The following ANGPT1 variants were observed in gnomAD, a reference collection of about 807,000 sequenced individuals.
The protein encoded by ANGPT1 is angiopoietin 1, also known as angiopoietin-1.
Under a neutral mutation model 62.2 loss-of-function variants are expected in ANGPT1, and 17 were observed. That is an observed-to-expected ratio of 0.27 (90% CI 0.19 to 0.41). The LOEUF is 0.41. ANGPT1 is among the 10% of genes least tolerant of loss of function. The pLI is 1.00. For missense variants in ANGPT1, 478 were observed against 594.9 expected, an observed-to-expected ratio of 0.80 and a Z score of 2.04; for synonymous variants, 199 against 198.9, an observed-to-expected ratio of 1.00 and a Z score of 0.00.
chr8:107,396,986 G>A (rs1816949991), intron 1 of ANGPT1, among the ~76,000 whole-genome samples: 1 of 152,076 alleles, frequency 6.6e-6, no homozygotes, highest in Non-Finnish European at 1.5e-5. Context: ...AACAAATGTT[G>A]AGAGCAGAAA....
At chr8:107,358,386 T>C (rs1448525993) in intron 1 of ANGPT1, among the ~76,000 whole-genome samples, 1 of 151,238 alleles carries the variant, frequency 6.6e-6, no homozygotes, top group Non-Finnish European at 1.5e-5. Context: ...ATTTTTTTTT[T>C]TCTCCCTTTG....
chr8:107,295,886 A>G (rs1814402259), intron 5 of ANGPT1, among the ~76,000 whole-genome samples: 1 of 152,100 alleles, frequency 6.6e-6, no homozygotes, highest in African/African-American at 2.4e-5. Flanking sequence ...CCTTACATGC[A>G]TTTTCTAATT....
At chr8:107,340,127 G>A (rs1009212629) in intron 2 of ANGPT1, among the ~76,000 whole-genome samples, 3 of 152,122 alleles carry the variant, frequency 2.0e-5, no homozygotes, top group Admixed American at 6.5e-5. Flanking sequence ...TATGGAATTC[G>A]CTGCTTAGCA....
At position 107,420,431 on chromosome 8, in the gene ANGPT1, G is replaced by T. The variant is rs145032275; in HGVS notation, c.298-73334C>A. 2.4e-3 allele frequency among the ~76,000 whole-genome samples: 366 copies of T among 152,254 alleles called. 1 individual carries two copies. Among genetic ancestry groups the T allele is most frequent in the Admixed American group, 4.2e-3 (64 of 15,286 alleles). ...ATTGCTGTTTGCTTTATTCCTGAAAGAAATCAGTAGAATTTAATACTATGA... is the reference window on the plus strand; with the variant it reads ...ATTGCTGTTTGCTTTATTCCTGAAATAAATCAGTAGAATTTAATACTATGA... On this transcript the variant is annotated intron_variant, in intron 1 of 8. Transcript: ENST00000517746.
chr8:107,309,637 T>A (rs1814801746), intron 4 of ANGPT1, among the ~76,000 whole-genome samples: 1 of 152,200 alleles, frequency 6.6e-6, no homozygotes, highest in African/African-American at 2.4e-5. Flanking sequence ...TATTTACCAA[T>A]GACTTTATAA....
chr8:107,380,551 A>G (rs1191327083), intron 1 of ANGPT1, among the ~76,000 whole-genome samples: 1 of 151,914 alleles, frequency 6.6e-6, no homozygotes, highest in Non-Finnish European at 1.5e-5. Flanking sequence ...TCTTAAAGCA[A>G]TTGGTTAGTT....
chr8:107,483,825 C>T (rs940752183), intron 1 of ANGPT1, among the ~76,000 whole-genome samples: 1 of 152,116 alleles, frequency 6.6e-6, no homozygotes, highest in Non-Finnish European at 1.5e-5. Flanking sequence ...TTTGTATGCT[C>T]ATATCAGGAT....
intron 1 of ANGPT1, among the ~76,000 whole-genome samples, chr8:107,372,216 G>C (rs1816430038): frequency 6.6e-6 from 1 of 152,080 alleles, no homozygotes; most frequent in Non-Finnish European, 1.5e-5. Context: ...CTAGATACCA[G>C]TAGTGCCTCC....
At chr8:107,350,688 T>C (rs937189991) in intron 1 of ANGPT1, among the ~76,000 whole-genome samples, 3 of 152,140 alleles carry the variant, frequency 2.0e-5, no homozygotes, top group South Asian at 4.1e-4. Flanking sequence ...GTAGCATGAA[T>C]ATAGCTCTAG....
intron 1 of ANGPT1, among the ~76,000 whole-genome samples, chr8:107,364,536 C>T (rs2445350): frequency 0.21 from 32,168 of 152,102 alleles, 3,671 homozygotes; most frequent in East Asian, 0.37. Flanking sequence ...CTGCCTTGGC[C>T]TCCCAAAGTG....
chr8:107,464,649 A>T (rs1174998233), intron 1 of ANGPT1, among the ~76,000 whole-genome samples: 1 of 152,084 alleles, frequency 6.6e-6, no homozygotes, highest in Non-Finnish European at 1.5e-5. Context: ...ACGTTGGACA[A>T]TTTCCTTAAT....
chr8:107,324,059 A>G (rs554726532), intron 3 of ANGPT1, among the ~76,000 whole-genome samples: 158 of 151,652 alleles, frequency 1.0e-3, no homozygotes, highest in Middle Eastern at 3.4e-3. Flanking sequence ...GATTACAGGC[A>G]TGAGCCACTG....
intron 7 of ANGPT1, among the ~76,000 whole-genome samples, chr8:107,280,493 A>G (rs543218950): frequency 5.3e-5 from 8 of 152,306 alleles, no homozygotes; most frequent in African/African-American, 1.7e-4. Context: ...GACACGTTAC[A>G]TCTACCACAG....
chr8:107,478,314 T>C (rs1812589083), intron 1 of ANGPT1, among the ~76,000 whole-genome samples: 2 of 150,276 alleles, frequency 1.3e-5, no homozygotes, highest in African/African-American at 4.9e-5. Flanking sequence ...TTTGGGAGGC[T>C]GAAGTGGGCA....
intron 6 of ANGPT1, among the ~76,000 whole-genome samples, chr8:107,292,623 A>C (rs1814305639): frequency 6.6e-6 from 1 of 152,214 alleles, no homozygotes; most frequent in South Asian, 2.1e-4. Context: ...TGAAATAACA[A>C]AGACATCAGG....
At chr8:107,290,955 G>A (rs2130166735) in intron 6 of ANGPT1, among the ~76,000 whole-genome samples, 1 of 152,290 alleles carries the variant, frequency 6.6e-6, no homozygotes, top group Non-Finnish European at 1.5e-5. Context: ...CAAGGCAGCA[G>A]ATGTTTACAG....
intron 3 of ANGPT1, among the ~76,000 whole-genome samples, chr8:107,325,788 A>AT (rs1815272692): frequency 6.6e-6 from 1 of 151,940 alleles, no homozygotes; most frequent in Non-Finnish European, 1.5e-5. Context: ...TTTTCTGTTT[A>AT]TTTTTGATGT....
At chr8:107,465,107 GA>G (rs1393550921) in intron 1 of ANGPT1, among the ~76,000 whole-genome samples, 1 of 152,082 alleles carries the variant, frequency 6.6e-6, no homozygotes, top group African/African-American at 2.4e-5. Context: ...AGTTGGAATG[GA>G]AAGATTCAGA....
At chr8:107,323,364 T>G (rs986207303) in intron 3 of ANGPT1, among the ~76,000 whole-genome samples, 1 of 152,190 alleles carries the variant, frequency 6.6e-6, no homozygotes, top group Admixed American at 6.5e-5. Flanking sequence ...CATACCAGAA[T>G]GGGCACTTAA....
Sources: allele counts gnomAD v4.1 joint callset (sites outside exome capture counted in the v4.1 genomes callset), GRCh38; gene constraint gnomAD v4.1.1; transcripts MANE v1.5; gene names NCBI Gene and HGNC (gene_info 2026-07-23, HGNC 2026-07-21).